RAPGEF2: variants seen among roughly 807,000 people sequenced by gnomAD.
The protein encoded by RAPGEF2 is PDZ domain containing guanine nucleotide exchange factor (GEF) 1.
RAPGEF2 carries 54 observed loss-of-function variants against 186.7 expected under a neutral mutation model. That is an observed-to-expected ratio of 0.29 (90% CI 0.23 to 0.36). The LOEUF (loss-of-function observed/expected upper bound fraction) is 0.36, where lower values mean the gene tolerates loss of function less well. Ranked by LOEUF, RAPGEF2 falls within the 10% of genes least tolerant of loss-of-function variation. The pLI is 1.00. For missense variants in RAPGEF2, 1,532 were observed against 2,045.0 expected, an observed-to-expected ratio of 0.75 and a Z score of 4.84; for synonymous variants, 712 against 705.9, an observed-to-expected ratio of 1.01 and a Z score of -0.14.
intron 1 of RAPGEF2, among the ~76,000 whole-genome samples, chr4:159,174,462 GAAGACGAATGGGATAA>G (rs1270088833): frequency 2.0e-5 from 3 of 152,184 alleles, no homozygotes; most frequent in Non-Finnish European, 4.4e-5. Flanking sequence ...ACTTGAATTA[GAAGACGAATGGGATAA>G]AAGAGTGTTT....
At chr4:159,214,307 AC>A (rs927679418) in intron 4 of RAPGEF2, among the ~76,000 whole-genome samples, 1 of 152,232 alleles carries the variant, frequency 6.6e-6, no homozygotes, top group Non-Finnish European at 1.5e-5. Flanking sequence ...AAAATAATTG[AC>A]AGGCAGAGGG....
chr4:159,322,613 A>G (rs746731094), intron 10 of RAPGEF2, 130 bp downstream of exon 10: 2 of 688,616 alleles, frequency 2.9e-6, no homozygotes, highest in Non-Finnish European at 5.0e-6. Flanking sequence ...TAATTCAAGA[A>G]TTATGGTACA....
intron 17 of RAPGEF2, among the ~76,000 whole-genome samples, chr4:159,336,744 A>G (rs900298146): frequency 2.0e-5 from 3 of 152,326 alleles, no homozygotes; most frequent in Admixed American, 2.0e-4. Context: ...TTCAAAAAAA[A>G]AAGTAAAGGG....
intron 4 of RAPGEF2, among the ~76,000 whole-genome samples, chr4:159,233,830 C>T (rs1325267320): frequency 6.6e-6 from 1 of 151,856 alleles, no homozygotes; most frequent in East Asian, 1.9e-4. Context: ...CACAAAAAAT[C>T]AATTGACCAT....
At chr4:159,312,800 C>A (rs1764102460) in intron 8 of RAPGEF2, among the ~76,000 whole-genome samples, 3 of 152,128 alleles carry the variant, frequency 2.0e-5, no homozygotes, top group Non-Finnish European at 4.4e-5. Flanking sequence ...AGGATTAAAT[C>A]TTATGTTCTG....
chr4:159,282,522 T>C (rs1759864502), intron 7 of RAPGEF2: 1 of 367,428 alleles, frequency 2.7e-6, no homozygotes, highest in Non-Finnish European at 5.3e-6. Flanking sequence ...ATCTGACGTC[T>C]TTAGAGGAGA....
At chr4:159,321,182 G>A (rs1765187706) in intron 9 of RAPGEF2, among the ~76,000 whole-genome samples, 1 of 149,814 alleles carries the variant, frequency 6.7e-6, no homozygotes, top group Non-Finnish European at 1.5e-5. Flanking sequence ...GAAGCAGATG[G>A]TCTTGAATCA....
chr4:159,355,802 CT>C, intron 28 of RAPGEF2, 50 bp from the exon 29 acceptor site: 1 of 1,422,924 alleles, frequency 7.0e-7, no homozygotes, highest in South Asian at 1.4e-5. Flanking sequence ...TTTTAATAAA[CT>C]TTTGTGGCAT....
At chr4:159,141,846 A>T (rs1742373428) in intron 1 of RAPGEF2, among the ~76,000 whole-genome samples, 1 of 152,186 alleles carries the variant, frequency 6.6e-6, no homozygotes, top group Non-Finnish European at 1.5e-5. Flanking sequence ...AATTTTAACC[A>T]GTTTTACATT....
intron 2 of RAPGEF2, among the ~76,000 whole-genome samples, chr4:159,187,757 T>C (rs1454691729): frequency 6.6e-6 from 1 of 152,212 alleles, no homozygotes; most frequent in Admixed American, 6.5e-5. Flanking sequence ...AGATGGATAA[T>C]ATATAAACAC....
At chr4:159,305,809 A>G (rs1041897638) in intron 8 of RAPGEF2, among the ~76,000 whole-genome samples, 5 of 152,080 alleles carry the variant, frequency 3.3e-5, no homozygotes, top group African/African-American at 4.8e-5. Flanking sequence ...TTTGGGTCTT[A>G]AGTCTTCAAT....
Position 159,343,275 on chromosome 4 carries a change from T to C in RAPGEF2, c.3131-6T>C. The C allele has an allele frequency of 6.2e-7, 1 of 1,614,074 alleles. No homozygotes were observed. Among genetic ancestry groups the C allele is most frequent in the Non-Finnish European group, 8.5e-7 (1 of 1,179,950 alleles). ...TGATTTCCTTTTCCTCCTCTGTCAA[T>C]TTCAGGAAATGACTCAAAAGTAGAC... On this transcript the variant is annotated splice_polypyrimidine_tract_variant and splice_region_variant and intron_variant, in intron 21 of 29. Transcript: ENST00000691494.
chr4:159,208,982 C>A (rs1750236318), intron 3 of RAPGEF2, among the ~76,000 whole-genome samples: 1 of 152,024 alleles, frequency 6.6e-6, no homozygotes. Flanking sequence ...CCTCCGCCTC[C>A]CGGGTTCAAG....
At chr4:159,128,218 A>G (rs543159658) in intron 1 of RAPGEF2, among the ~76,000 whole-genome samples, 28 of 152,284 alleles carry the variant, frequency 1.8e-4, no homozygotes, top group African/African-American at 6.3e-4. Context: ...CTGTCAATCT[A>G]ATAGTACATT....
chr4:159,272,868 A>G (rs948861060), intron 7 of RAPGEF2, among the ~76,000 whole-genome samples: 1 of 152,242 alleles, frequency 6.6e-6, no homozygotes, highest in Non-Finnish European at 1.5e-5. Flanking sequence ...AAGATGCAGC[A>G]AAGGAGTGTA....
intron 1 of RAPGEF2, among the ~76,000 whole-genome samples, chr4:159,139,862 A>G (rs1381828125): frequency 1.3e-5 from 2 of 152,180 alleles, no homozygotes; most frequent in African/African-American, 4.8e-5. Flanking sequence ...TCAGGTTTTT[A>G]GTTTTGTCCT....
chr4:159,353,712 C>T lies in RAPGEF2; in HGVS notation c.4317C>T (p.His1439=). 1 of 1,604,818 alleles carries T rather than the reference C, an allele frequency of 6.2e-7. No individual in the cohort carries two copies. The highest frequency in any genetic ancestry group is 8.5e-7 in the Non-Finnish European group (1 of 1,175,806). ...AGACTCTTCCATTCGGGCATACTCA[C>T]TTTGATTATTCAGGGGATCCTGCAG... is the stretch of plus-strand genomic sequence containing the variant. ...SWETLPFGHT[H]FDYSGDPAGL... is the part of the protein sequence containing the mutation. Residue 1439 remains histidine (H), a synonymous_variant, in exon 28 of 30, where the codon CAC becomes CAT. Coordinates refer to ENST00000691494, the MANE Select transcript of RAPGEF2 (RefSeq NM_001394067.2). The surrounding 1 kb of genome is among the most constrained non-coding windows in gnomAD (Gnocchi z 4.3).
chr4:159,122,333 G>T (rs1193412780), intron 1 of RAPGEF2, among the ~76,000 whole-genome samples: 2 of 151,952 alleles, frequency 1.3e-5, no homozygotes, highest in African/African-American at 4.8e-5. Flanking sequence ...ACAAAAATTA[G>T]TAGGGCATGG....
At chr4:159,133,534 C>T (rs1472277007) in intron 1 of RAPGEF2, among the ~76,000 whole-genome samples, 1 of 151,936 alleles carries the variant, frequency 6.6e-6, no homozygotes, top group Admixed American at 6.6e-5. Flanking sequence ...GCCTCAGCCT[C>T]CCGAGTAGCT....
Sources: gnomAD v4.1 joint callset for allele counts (sites outside exome capture counted in the v4.1 genomes callset) on GRCh38, gnomAD v4.1.1 for gene constraint, Gnocchi (gnomAD v3.1) non-coding constraint, MANE v1.5 for transcripts, NCBI Gene and HGNC (gene_info 2026-07-23, HGNC 2026-07-21) for gene names.